BRD3: variants seen among roughly 807,000 people sequenced by gnomAD.
BRD3 encodes bromodomain containing 3, also known as bromodomain-containing protein 3.
BRD3 carries 17 observed loss-of-function variants against 66.8 expected under a neutral mutation model. The ratio of observed to expected loss-of-function variants is 0.25; its 90% CI spans 0.17 to 0.38. The LOEUF (loss-of-function observed/expected upper bound fraction) is 0.38. Ranked by LOEUF, BRD3 falls within the 10% of genes least tolerant of loss-of-function variation. The pLI, the probability that BRD3 is intolerant of heterozygous loss-of-function variation, is 1.00. For synonymous variants in BRD3, 421 were observed against 393.2 expected, an observed-to-expected ratio of 1.07 and a Z score of -0.84; for missense variants, 713 against 956.1, an observed-to-expected ratio of 0.75 and a Z score of 3.35.
At chr9:134,040,326 G>A (rs1830017979) in intron 8 of BRD3, 57 bp from the exon 9 acceptor site, 4 of 1,540,562 alleles carry the variant, frequency 2.6e-6, no homozygotes, top group Non-Finnish European at 3.5e-6. Context: ...CACTGGGGCT[G>A]CGTGGCGCCC....
chr9:134,037,737 T>C, intron 9 of BRD3, among the ~76,000 whole-genome samples: 1 of 152,250 alleles, frequency 6.6e-6, no homozygotes, highest in East Asian at 1.9e-4. Flanking sequence ...TGAAATCTAA[T>C]TATGTTTCTT....
intron 1 of BRD3, among the ~76,000 whole-genome samples, chr9:134,056,329 T>G (rs1830424382): frequency 2.6e-5 from 4 of 152,190 alleles, no homozygotes; most frequent in African/African-American, 9.6e-5. Flanking sequence ...CCTGGAAGGC[T>G]GAGGGGTGCA....
At chr9:134,059,709 G>A (rs1830498532) in intron 1 of BRD3, among the ~76,000 whole-genome samples, 1 of 152,214 alleles carries the variant, frequency 6.6e-6, no homozygotes, top group Non-Finnish European at 1.5e-5. Flanking sequence ...AGCATGTACA[G>A]TGCAGGAAGA....
chr9:134,066,058 T>G (rs147453777), intron 1 of BRD3, among the ~76,000 whole-genome samples: 5 of 152,306 alleles, frequency 3.3e-5, no homozygotes, highest in African/African-American at 1.2e-4. Context: ...ATTACTCTAC[T>G]TTCTAAAAAC....
At chr9:134,040,543 G>A (rs376152416) in intron 8 of BRD3, among the ~76,000 whole-genome samples, 56 of 152,322 alleles carry the variant, frequency 3.7e-4, no homozygotes, top group African/African-American at 7.7e-4. Flanking sequence ...ACAGGGACTC[G>A]GTGAGGGCAG....
chr9:134,055,955 A>G (rs960186690), intron 1 of BRD3: 2 of 152,396 alleles, frequency 1.3e-5, no homozygotes, highest in African/African-American at 4.8e-5. Flanking sequence ...CCACCTGACC[A>G]CTGTTTCAAA....
chr9:134,063,929 C>G (rs1285902089), intron 1 of BRD3, among the ~76,000 whole-genome samples: 5 of 151,956 alleles, frequency 3.3e-5, no homozygotes, highest in African/African-American at 1.2e-4. Flanking sequence ...ACCGGATTAA[C>G]TTCTGACGAA....
At chr9:134,061,070 G>C (rs1010155218) in intron 1 of BRD3, among the ~76,000 whole-genome samples, 2 of 152,274 alleles carry the variant, frequency 1.3e-5, no homozygotes, top group African/African-American at 4.8e-5. Context: ...AGAAATGCCA[G>C]TAGCAGTCTC....
intron 7 of BRD3, among the ~76,000 whole-genome samples, chr9:134,044,325 AG>A: frequency 6.6e-6 from 1 of 152,304 alleles, no homozygotes; most frequent in African/African-American, 2.4e-5. Context: ...CAGGACCCAC[AG>A]GGGGAACGAG....
chr9:134,066,040 G>A (rs999196804), intron 1 of BRD3, among the ~76,000 whole-genome samples: 1 of 152,166 alleles, frequency 6.6e-6, no homozygotes, highest in Non-Finnish European at 1.5e-5. Flanking sequence ...TGTTGTCAAA[G>A]GAAAGTAATT....
At chr9:134,037,266 G>A (rs1226972951) in intron 9 of BRD3, among the ~76,000 whole-genome samples, 2 of 152,092 alleles carry the variant, frequency 1.3e-5, no homozygotes, top group Non-Finnish European at 2.9e-5. Context: ...AAAGGAGTAT[G>A]TTCAGGAAAA....
chr9:134,068,100 C>A (rs1284115495), upstream of BRD3: 17 of 143,848 alleles, frequency 1.2e-4, no homozygotes, highest in African/African-American at 4.2e-4. Context: ...CGCGGCCGGG[C>A]CCGCGCCGGG....
At chr9:134,063,239 G>C (rs1830581318) in intron 1 of BRD3, among the ~76,000 whole-genome samples, 1 of 152,226 alleles carries the variant, frequency 6.6e-6, no homozygotes, top group African/African-American at 2.4e-5. Flanking sequence ...ACCGGAGGCA[G>C]AGCTAAGAGC....
intron 5 of BRD3, among the ~76,000 whole-genome samples, chr9:134,049,060 A>G (rs1212785963): frequency 2.0e-5 from 3 of 151,894 alleles, no homozygotes; most frequent in Non-Finnish European, 4.4e-5. Flanking sequence ...GCAAGTCTGG[A>G]CTCCATCCCA....
Position 134,053,440 on chromosome 9 carries a change from G to A in BRD3, c.38C>T (p.Pro13Leu), listed in dbSNP as rs370821220. ...TATTVAPAGIPATPGPVNPPP... is the reference protein window; with the variant it reads ...TATTVAPAGILATPGPVNPPP... ...TGGGTTCACAGGGCCCGGGGTCGCC[G>A]GGATCCCCGCGGGGGCGACTGTCGT... Residue 13 changes from proline (P) to leucine (L), a missense_variant, in exon 2 of 12, where the codon CCG becomes CTG. By Grantham distance (98) the Pro-to-Leu change is moderately conservative. This residue lies in a region of BRD3 where 48 missense variants were observed against 42.5 expected (regional missense o/e 1.13). Coordinates refer to ENST00000303407, the MANE Select transcript of BRD3 (RefSeq NM_007371.4). 1.1e-5 allele frequency: 18 copies of A among 1,609,736 alleles called. No homozygotes were observed. Among genetic ancestry groups the A allele is most frequent in the African/African-American group, 4.0e-5 (3 of 74,852 alleles).
chr9:134,030,886 A>C lies in BRD3; in HGVS notation c.*2704T>G, dbSNP rs936140349. 1.3e-5 allele frequency: 3 copies of C among 231,116 alleles called. No individual in the cohort carries two copies. Among genetic ancestry groups the C allele is most frequent in the Non-Finnish European group, 1.7e-5 (2 of 117,144 alleles). 14.3% of individuals were successfully genotyped at this position (231,116 alleles called of 1,614,324 possible). ...CAATTCCGACACACGACTTGTCACT[A>C]CTCCTCTCCCCTTGAAAAAAGCATG... On this transcript the variant is annotated 3_prime_UTR_variant, in exon 12 of 12. Coordinates refer to ENST00000303407, the MANE Select transcript of BRD3 (RefSeq NM_007371.4).
At chr9:134,035,898 G>T in intron 10 of BRD3, 134 bp downstream of exon 10, 1 of 1,252,498 alleles carries the variant, frequency 8.0e-7, no homozygotes, top group Non-Finnish European at 1.1e-6. Context: ...CATCTGTGGT[G>T]GGACGAAGGA....
rs1291934338 is a variant in BRD3, at chr9:134,032,162, G to C, written c.*1428C>G. On this transcript the variant is annotated 3_prime_UTR_variant, in exon 12 of 12. Coordinates refer to ENST00000303407, the MANE Select transcript of BRD3 (RefSeq NM_007371.4). ...CCCCGTACTCAAAGACCATATGGCA[G>C]CCTCTGGGAAAACAAAACCAAAACA... is the stretch of plus-strand genomic sequence containing the variant. 1.4e-5 allele frequency: 3 copies of C among 216,822 alleles called. No individual in the cohort carries two copies. The highest frequency in any genetic ancestry group is 2.8e-5 in the Non-Finnish European group (3 of 107,846). 13.4% of individuals were successfully genotyped at this position (216,822 alleles called of 1,614,324 possible).
chr9:134,059,381 G>A (rs1256409787), intron 1 of BRD3, among the ~76,000 whole-genome samples: 1 of 152,214 alleles, frequency 6.6e-6, no homozygotes, highest in African/African-American at 2.4e-5. Context: ...AAGCCGACGG[G>A]ACTCCTGTGA....
Sources: gnomAD v4.1 joint callset for allele counts (sites outside exome capture counted in the v4.1 genomes callset) on GRCh38, gnomAD v4.1.1 for gene constraint, gnomAD v4.1.1 regional missense constraint, MANE v1.5 for transcripts, NCBI Gene and HGNC (gene_info 2026-07-23, HGNC 2026-07-21) for gene names.